Variants in COL25A1 observed in about 807,000 individuals in gnomAD.
The protein encoded by COL25A1 is collagen type XXV alpha 1 chain.
Under a neutral mutation model 128.4 loss-of-function variants are expected in COL25A1, and 103 were observed. That is an observed-to-expected ratio of 0.80 (90% confidence interval 0.68 to 0.94). The LOEUF (loss-of-function observed/expected upper bound fraction) is 0.94. COL25A1 is among the 40% of genes least tolerant of loss of function. COL25A1 has a pLI of 0.00. For missense variants in COL25A1, 745 were observed against 840.0 expected (o/e 0.89, Z 1.40); for synonymous variants, 279 against 277.2 (o/e 1.01, Z -0.06).
At chr4:108,849,484 A>C (rs1349429147) in intron 26 of COL25A1, among the ~76,000 whole-genome samples, 1 of 152,236 alleles carries the variant, frequency 6.6e-6, no homozygotes, top group Non-Finnish European at 1.5e-5. Context: ...CAAAATATAG[A>C]GATTTTTGTT....
intron 3 of COL25A1, among the ~76,000 whole-genome samples, chr4:109,194,580 A>G (rs931202704): frequency 1.3e-5 from 2 of 152,214 alleles, no homozygotes; most frequent in African/African-American, 4.8e-5. Flanking sequence ...TTAGGAAATT[A>G]TATACCAAAT....
At chr4:109,078,071 C>G (rs962142282) in intron 3 of COL25A1, among the ~76,000 whole-genome samples, 9 of 152,142 alleles carry the variant, frequency 5.9e-5, no homozygotes, top group Admixed American at 2.0e-4. Flanking sequence ...GTCCAGATAG[C>G]CTCTTGACTT....
chr4:109,297,767 G>C (rs1725113180), intron 3 of COL25A1, among the ~76,000 whole-genome samples: 2 of 147,410 alleles, frequency 1.4e-5, no homozygotes, highest in African/African-American at 2.5e-5. Context: ...AAAAAGAATA[G>C]TAATTACTAT....
intron 3 of COL25A1, among the ~76,000 whole-genome samples, chr4:109,157,661 G>T (rs985607698): frequency 6.6e-6 from 1 of 152,162 alleles, no homozygotes; most frequent in East Asian, 1.9e-4. Context: ...TTTAAAGGTT[G>T]GCACAGTTTT....
In COL25A1 at chr4:109,300,628, T is replaced by C; in HGVS notation, c.322A>G (p.Ile108Val). 1 of 1,611,474 alleles carries C rather than the reference T, an allele frequency of 6.2e-7. No individual in the cohort carries two copies. Among genetic ancestry groups the C allele is most frequent in the Non-Finnish European group, 8.5e-7 (1 of 1,177,570 alleles). The change falls in exon 3 of 38, where the codon ATA becomes GTA. Residue 108 changes from isoleucine (I) to valine (V), a missense_variant. By Grantham distance (29) the Ile-to-Val change is conservative. Around this residue, in one of 3 missense-constraint regions of COL25A1, gnomAD observed 319 missense variants for 324.9 expected, o/e 0.98. Coordinates refer to ENST00000399132, the MANE Select transcript of COL25A1 (RefSeq NM_198721.4). ...AQKSYEHMAK[I>V]RIAREAPSEC... ...GAAGGTGCTTCTCTTGCGATTCTTA[T>C]TTTAGCCATATGTTCATAGGATTTC...
chr4:108,891,977 T>TA (rs1741560569), intron 16 of COL25A1, among the ~76,000 whole-genome samples: 1 of 149,710 alleles, frequency 6.7e-6, no homozygotes, highest in African/African-American at 2.5e-5. Flanking sequence ...GATGGACAAC[T>TA]AAGGGTGATT....
At chr4:109,030,413 A>C (rs1403826912) in intron 5 of COL25A1, among the ~76,000 whole-genome samples, 1 of 152,208 alleles carries the variant, frequency 6.6e-6, no homozygotes, top group African/African-American at 2.4e-5. Flanking sequence ...GTGCATCTCC[A>C]GAGAGGACAG....
intron 5 of COL25A1, among the ~76,000 whole-genome samples, chr4:109,012,393 C>A (rs1343033366): frequency 7.7e-6 from 1 of 129,444 alleles, no homozygotes; most frequent in Admixed American, 8.0e-5. Context: ...AGCCCTTCAG[C>A]CCGCCACTGC....
chr4:109,052,985 T>C (rs1761126046), intron 3 of COL25A1, among the ~76,000 whole-genome samples: 1 of 152,056 alleles, frequency 6.6e-6, no homozygotes, highest in African/African-American at 2.4e-5. Flanking sequence ...ACAACAGAAA[T>C]TCTCAGTAAA....
intron 13 of COL25A1, among the ~76,000 whole-genome samples, chr4:108,911,805 T>C (rs1235860343): frequency 6.7e-6 from 1 of 150,180 alleles, no homozygotes; most frequent in African/African-American, 2.4e-5. Context: ...CTTCGCTGTT[T>C]TTTTTTTTTT....
In COL25A1 at chr4:109,132,298, TATG is replaced by T. The variant is rs1177948558; in HGVS notation, c.368-82122_368-82120del. ...TTTGTTTTTACTTTCTTTTGTTTAT[TATG>T]ATAATTTCACTCCCAGATTCTTAAG... On this transcript the variant is annotated intron_variant, in intron 3 of 37. Coordinates refer to ENST00000399132, the MANE Select transcript of COL25A1 (RefSeq NM_198721.4). 3.9e-5 allele frequency among the ~76,000 whole-genome samples: 6 copies of T among 152,274 alleles called. No homozygotes were observed. In the East Asian group the frequency reaches 1.2e-3, roughly 29 times the overall value.
intron 8 of COL25A1, among the ~76,000 whole-genome samples, chr4:108,965,466 G>A (rs560771500): frequency 1.6e-4 from 25 of 152,264 alleles, no homozygotes; most frequent in Non-Finnish European, 3.4e-4. Context: ...GCCTAAGTTT[G>A]ATTAATAAAT....
intron 3 of COL25A1, among the ~76,000 whole-genome samples, chr4:109,157,488 G>A (rs914736585): frequency 6.6e-6 from 1 of 152,002 alleles, no homozygotes; most frequent in East Asian, 1.9e-4. Context: ...ATATTCACCT[G>A]TACTATTTCA....
intron 30 of COL25A1, among the ~76,000 whole-genome samples, chr4:108,844,186 A>G (rs1465029632): frequency 6.6e-6 from 1 of 152,154 alleles, no homozygotes; most frequent in African/African-American, 2.4e-5. Flanking sequence ...AGCCAATTCT[A>G]AATCTTATTC....
Position 109,208,442 on chromosome 4 carries a change from G to C in COL25A1, c.367+92141C>G, listed in dbSNP as rs79426693. On this transcript the variant is annotated intron_variant, in intron 3 of 37. Coordinates refer to ENST00000399132, the MANE Select transcript of COL25A1 (RefSeq NM_198721.4). The stretch of plus-strand genomic sequence containing the variant: ...TGCACTTCAGAATGTGGAGAACCCT[G>C]AAGGGAACATTTTTTTTCCAAGAAA... Among the ~76,000 whole-genome samples, 1,284 of 147,720 alleles carry C rather than the reference G, an allele frequency of 8.7e-3. 56 individuals are homozygous for C. The South Asian group carries it at 0.14, about 16-fold the overall frequency.
chr4:109,034,780 T>C (rs185921120), intron 5 of COL25A1, among the ~76,000 whole-genome samples: 7 of 152,334 alleles, frequency 4.6e-5, no homozygotes, highest in Admixed American at 6.5e-5. Context: ...TCTTGGTCAA[T>C]TTCTATATAT....
intron 3 of COL25A1, among the ~76,000 whole-genome samples, chr4:109,199,577 T>C (rs1029410143): frequency 5.3e-5 from 8 of 152,294 alleles, no homozygotes; most frequent in Admixed American, 3.3e-4. Context: ...TGCCTTTTTA[T>C]AGAAATGAAT....
chr4:109,277,994 G>A (rs1246312489), intron 3 of COL25A1, among the ~76,000 whole-genome samples: 1 of 151,982 alleles, frequency 6.6e-6, no homozygotes, highest in Non-Finnish European at 1.5e-5. Context: ...AATTAGCCAG[G>A]CATGGTGGCA....
chr4:108,872,813 A>T (rs1172907014), intron 19 of COL25A1, among the ~76,000 whole-genome samples: 1 of 152,142 alleles, frequency 6.6e-6, no homozygotes, highest in Non-Finnish European at 1.5e-5. Flanking sequence ...CTTAAAAACC[A>T]GTTATATTTC....
Sources: gnomAD v4.1 joint callset for allele counts (sites outside exome capture counted in the v4.1 genomes callset) on GRCh38, gnomAD v4.1.1 for gene constraint, gnomAD v4.1.1 regional missense constraint, MANE v1.5 for transcripts, NCBI Gene and HGNC (gene_info 2026-07-23, HGNC 2026-07-21) for gene names.